The following PCDH11X variants were observed in gnomAD, a reference collection of about 807,000 sequenced individuals.
The protein encoded by PCDH11X is protocadherin-11 X-linked.
PCDH11X carries 18 observed loss-of-function variants against 53.3 expected under a neutral mutation model. The ratio of observed to expected loss-of-function variants is 0.34; its 90% CI spans 0.23 to 0.50. The LOEUF is 0.50. Among genes scored for constraint, PCDH11X ranks in the 20% least tolerant of loss-of-function variants. The pLI, the probability that PCDH11X is intolerant of heterozygous loss-of-function variation, is 0.98. For synonymous variants in PCDH11X, 279 were observed against 393.3 expected (o/e 0.71, Z 3.44); for missense variants, 570 against 1,032.4 (o/e 0.55, Z 6.14).
At chrX:92,070,079 A>G (rs751669949) in intron 6 of PCDH11X, among the ~76,000 whole-genome samples, 9 of 111,338 alleles carry the variant, frequency 8.1e-5, no homozygotes, top group South Asian at 3.7e-4. Flanking sequence ...TCATCCCCCC[A>G]TTATTTTAAC....
chrX:92,581,599 T>C (rs1254032673), intron 10 of PCDH11X, among the ~76,000 whole-genome samples: 2 of 111,927 alleles, frequency 1.8e-5, no homozygotes, highest in African/African-American at 3.2e-5. Context: ...AATTACCCAG[T>C]CTCGGGCATG....
At chrX:92,102,194 C>G (rs756932871) in intron 6 of PCDH11X, among the ~76,000 whole-genome samples, 2 of 111,020 alleles carry the variant, frequency 1.8e-5, no homozygotes, top group South Asian at 7.7e-4. Flanking sequence ...GCTGAAGGAG[C>G]CGGGGAGCAG....
chrX:92,132,883 C>T (rs955996196), intron 6 of PCDH11X, among the ~76,000 whole-genome samples: 4 of 107,985 alleles, frequency 3.7e-5, no homozygotes, highest in African/African-American at 1.3e-4. Flanking sequence ...ATTGGATTAA[C>T]AAGAATTCAA....
At chrX:92,420,016 G>A (rs1216956089) in intron 9 of PCDH11X, among the ~76,000 whole-genome samples, 1 of 110,837 alleles carries the variant, frequency 9.0e-6, no homozygotes, top group African/African-American at 3.3e-5. Flanking sequence ...CTTTGGATTT[G>A]TTTTTCATAT....
At chrX:92,191,315 C>G (rs2066188632) in intron 6 of PCDH11X, among the ~76,000 whole-genome samples, 1 of 111,772 alleles carries the variant, frequency 8.9e-6, no homozygotes, top group Non-Finnish European at 1.9e-5. Context: ...GTTTTATTTT[C>G]TACCTTTACT....
intron 6 of PCDH11X, among the ~76,000 whole-genome samples, chrX:92,022,900 A>T (rs2062908423): frequency 9.1e-6 from 1 of 109,530 alleles, no homozygotes; most frequent in Non-Finnish European, 1.9e-5. Context: ...AACTGAACAA[A>T]CTGCTCCTGA....
chrX:92,602,427 G>T (rs1017140891), intron 10 of PCDH11X, among the ~76,000 whole-genome samples: 3 of 112,646 alleles, frequency 2.7e-5, no homozygotes, highest in Non-Finnish European at 1.9e-5. Context: ...TTGCCTTAAA[G>T]ACTACCCCTG....
chrX:92,601,503 A>T (rs1214270593), intron 10 of PCDH11X, among the ~76,000 whole-genome samples: 1,065 of 81,580 alleles, frequency 0.013, 16 homozygotes, highest in African/African-American at 0.077. Context: ...GTGATTCATA[A>T]AAAAAAAAAA....
intron 10 of PCDH11X, among the ~76,000 whole-genome samples, chrX:92,547,780 G>A (rs1476828953): frequency 9.2e-6 from 1 of 108,464 alleles, no homozygotes; most frequent in Non-Finnish European, 1.9e-5. Context: ...GCCCAGGCTG[G>A]AGTGCAGTGG....
chrX:91,809,423 T>C lies in PCDH11X; in HGVS notation c.-378-43T>C, dbSNP rs182813333. Among the ~76,000 whole-genome samples, 251 of 111,289 alleles carry C rather than the reference T, an allele frequency of 2.3e-3. 2 individuals carry two copies. The highest frequency in any genetic ancestry group is 7.7e-3 in the African/African-American group (236 of 30,647). ...TATTTATCTTCTACAAATCTTGTGT[T>C]ATCTCCCCCACTACATAAACTTAAC... On this transcript the variant is annotated intron_variant, in intron 1 of 10. Transcript: ENST00000682573.
At chrX:91,985,453 C>A (rs1427799240) in intron 6 of PCDH11X, among the ~76,000 whole-genome samples, 3 of 112,138 alleles carry the variant, frequency 2.7e-5, no homozygotes, top group Non-Finnish European at 5.6e-5. Flanking sequence ...TGCAGTGAGC[C>A]GCGATCGTGC....
At chrX:92,564,032 A>G (rs1480581237) in intron 10 of PCDH11X, among the ~76,000 whole-genome samples, 1 of 109,964 alleles carries the variant, frequency 9.1e-6, no homozygotes, top group Non-Finnish European at 1.9e-5. Flanking sequence ...AATAGCCACA[A>G]GTAAAATTAA....
chrX:92,251,300 A>G (rs985440531), intron 7 of PCDH11X, among the ~76,000 whole-genome samples: 4 of 111,080 alleles, frequency 3.6e-5, no homozygotes, highest in African/African-American at 1.3e-4. Flanking sequence ...ATTATGTATA[A>G]TTATATAATT....
At chrX:92,550,322 T>C (rs2074932101) in intron 10 of PCDH11X, among the ~76,000 whole-genome samples, 1 of 107,374 alleles carries the variant, frequency 9.3e-6, no homozygotes, top group Admixed American at 1.0e-4. Flanking sequence ...TTTCCTATTG[T>C]AATATCATAA....
chrX:92,320,069 G>T (rs1429762876), intron 8 of PCDH11X, among the ~76,000 whole-genome samples: 1 of 111,026 alleles, frequency 9.0e-6, no homozygotes, highest in Admixed American at 9.6e-5. Flanking sequence ...TGGGTTTGGG[G>T]TTGATTACCA....
intron 8 of PCDH11X, among the ~76,000 whole-genome samples, chrX:92,307,431 C>A (rs2068855558): frequency 9.6e-6 from 1 of 104,567 alleles, no homozygotes; most frequent in Non-Finnish European, 2.0e-5. Flanking sequence ...TAAGCAACAA[C>A]CTAGAATAGA....
chrX:91,970,033 G>T (rs1354459109), intron 6 of PCDH11X, among the ~76,000 whole-genome samples: 1 of 110,772 alleles, frequency 9.0e-6, no homozygotes, highest in Non-Finnish European at 1.9e-5. Flanking sequence ...ACTTCAAGAA[G>T]TTGCAGACCA....
At chrX:92,147,810 C>CTTCCTTCCTTTCTTT (rs1556065506) in intron 6 of PCDH11X, among the ~76,000 whole-genome samples, 1 of 70,198 alleles carries the variant, frequency 1.4e-5, no homozygotes, top group Non-Finnish European at 2.6e-5. Context: ...TTTCTTCCTT[C>CTTCCTTCCTTTCTTT]CTTTCTTTCT....
chrX:91,803,489 TAAAC>T (rs1329490605), intron 1 of PCDH11X, among the ~76,000 whole-genome samples: 1 of 111,603 alleles, frequency 9.0e-6, no homozygotes, highest in Non-Finnish European at 1.9e-5. Context: ...AAGTGAAAAA[TAAAC>T]ATATTTTGTA....
Sources: gnomAD v4.1 joint callset for allele counts (sites outside exome capture counted in the v4.1 genomes callset) on GRCh38, gnomAD v4.1.1 for gene constraint, MANE v1.5 for transcripts, NCBI Gene and HGNC (gene_info 2026-07-23, HGNC 2026-07-21) for gene names.